Variants in IMPA2 observed in about 807,000 individuals in gnomAD.
IMPA2 encodes IMP 2.
IMPA2 carries 32 observed loss-of-function variants against 35.1 expected under a neutral mutation model. The ratio of observed to expected loss-of-function variants is 0.91; its 90% CI spans 0.69 to 1.23. IMPA2 has a LOEUF of 1.23. Among genes scored for constraint, IMPA2 ranks in the 50% most tolerant of loss-of-function variants. The probability of loss-of-function intolerance (pLI) is 0.00; values close to 1 mark genes in which losing one functional copy is unlikely to be tolerated. For synonymous variants in IMPA2, 135 were observed against 160.6 expected (o/e 0.84, Z 1.20); for missense variants, 334 against 387.6 (o/e 0.86, Z 1.16).
chr18:12,022,555 A>T (rs1296303771), intron 5 of IMPA2, among the ~76,000 whole-genome samples: 1 of 138,162 alleles, frequency 7.2e-6, no homozygotes, highest in Admixed American at 7.4e-5. Flanking sequence ...ATATATATAT[A>T]TTTGTGTGTG....
In IMPA2 at chr18:11,985,269, A is replaced by G. The variant is rs573053566; in HGVS notation, c.96+3504A>G. On this transcript the variant is annotated intron_variant, in intron 1 of 7. Coordinates refer to ENST00000269159, the MANE Select transcript of IMPA2 (RefSeq NM_014214.3). ...TTCTAAGGTGCTAAGAAATACTGCA[A>G]ATATCACGAAATACACAAAAATAAC... Among the ~76,000 whole-genome samples the G allele has an allele frequency of 4.6e-5, 7 of 152,304 alleles. No homozygotes were observed. In the South Asian group the frequency reaches 1.4e-3, roughly 32 times the overall value.
At chr18:11,982,458 C>T (rs1028011469) in intron 1 of IMPA2, among the ~76,000 whole-genome samples, 4 of 152,186 alleles carry the variant, frequency 2.6e-5, no homozygotes, top group African/African-American at 4.8e-5. Flanking sequence ...AGTGTTGGTT[C>T]TCCCAGGACT....
intron 5 of IMPA2, among the ~76,000 whole-genome samples, chr18:12,022,915 CA>C (rs1382484043): frequency 6.9e-6 from 1 of 144,190 alleles, no homozygotes; most frequent in East Asian, 2.1e-4. Context: ...GCTGGGATTA[CA>C]AATGTGTGCC....
At chr18:11,999,274 C>T (rs1907052482) in intron 2 of IMPA2, 87 bp downstream of exon 2, 1 of 1,354,510 alleles carries the variant, frequency 7.4e-7, no homozygotes, top group Non-Finnish European at 1.0e-6. Flanking sequence ...GGGGGCTCTG[C>T]TGTTTGTTGA....
chr18:11,987,967 A>T (rs1259785069), intron 1 of IMPA2, among the ~76,000 whole-genome samples: 3 of 147,806 alleles, frequency 2.0e-5, no homozygotes, highest in African/African-American at 7.5e-5. Flanking sequence ...CGTTTCTTAG[A>T]TAATTAATGA....
rs1907051377 is a variant in IMPA2 at position 11,999,247 on chromosome 18, A to G, written c.230+60A>G. Reference sequence around the variant, plus strand: ...CCCTGGCCACACTCATAGAGAATGCAGGGTCTGCCGGGGTCAGGGGGCTCT... The same window carrying G: ...CCCTGGCCACACTCATAGAGAATGCGGGGTCTGCCGGGGTCAGGGGGCTCT... On this transcript the variant is annotated intron_variant, in intron 2 of 7. Transcript: ENST00000269159. 2.0e-6 allele frequency: 3 copies of G among 1,538,256 alleles called. No individual in the cohort carries two copies. In the South Asian group the frequency reaches 3.6e-5, roughly 19 times the overall value.
intron 5 of IMPA2, among the ~76,000 whole-genome samples, chr18:12,022,528 A>AAATATATATATAT (rs68185380): frequency 0.063 from 6,067 of 96,622 alleles, 755 homozygotes; most frequent in Middle Eastern, 0.11. Flanking sequence ...TCTCAAAAAG[A>AAATATATATATAT]ATATATATAT....
chr18:11,984,044 C>T (rs1906583782), intron 1 of IMPA2, among the ~76,000 whole-genome samples: 1 of 152,174 alleles, frequency 6.6e-6, no homozygotes, highest in East Asian at 1.9e-4. Context: ...CTCAGCTGCC[C>T]CTGAGATGGA....
chr18:11,984,967 CAA>C (rs34748642), intron 1 of IMPA2, among the ~76,000 whole-genome samples: 7,748 of 87,640 alleles, frequency 0.088, 268 homozygotes, highest in Non-Finnish European at 0.13. Flanking sequence ...GACTCCGTCT[CAA>C]AAAAAAAAAA....
At position 11,991,467 on chromosome 18, in the gene IMPA2, C is replaced by T. The variant is rs1386759395; in HGVS notation, c.97-7587C>T. The stretch of plus-strand genomic sequence containing the variant: ...GCTGTGAACTGCTGACCACATGTGC[C>T]ACATGACACCATGTGATAGGCGTGT... On this transcript the variant is annotated intron_variant, in intron 1 of 7. Coordinates refer to ENST00000269159, the MANE Select transcript of IMPA2 (RefSeq NM_014214.3). This position sits in a 1 kb window ranked among gnomAD's most constrained non-coding sequence, Gnocchi z 4.1. 6.6e-6 allele frequency among the ~76,000 whole-genome samples: 1 copy of T among 152,128 alleles called. No individual in the cohort carries two copies. Among genetic ancestry groups the T allele is most frequent in the Non-Finnish European group, 1.5e-5 (1 of 68,028 alleles).
At chr18:11,987,365 C>G (rs1906696064) in intron 1 of IMPA2, among the ~76,000 whole-genome samples, 5 of 152,222 alleles carry the variant, frequency 3.3e-5, no homozygotes, top group Admixed American at 3.3e-4. Context: ...ACGTCTAGCT[C>G]TCTCGCTCAG....
chr18:12,007,670 T>TCTTTCTTTCTTTCTTTC (rs764225886), intron 2 of IMPA2, among the ~76,000 whole-genome samples: 67 of 97,978 alleles, frequency 6.8e-4, no homozygotes, highest in Middle Eastern at 8.8e-3. Flanking sequence ...TTTCTTTCTT[T>TCTTTCTTTCTTTCTTTC]CTTTCTTTCC....
chr18:11,992,912 T>A (rs1395785094), intron 1 of IMPA2, among the ~76,000 whole-genome samples: 1 of 152,222 alleles, frequency 6.6e-6, no homozygotes, highest in Admixed American at 6.5e-5. Flanking sequence ...CCTCACTTTT[T>A]CTCTTAGCAT....
chr18:12,011,989 T>C (rs1425349457), intron 3 of IMPA2, among the ~76,000 whole-genome samples, 181 bp from the exon 4 acceptor site: 1 of 152,282 alleles, frequency 6.6e-6, no homozygotes, highest in Admixed American at 6.5e-5. Context: ...TACGACATGG[T>C]CAGTTTATTC....
At chr18:12,024,492 A>G (rs765297977) in intron 5 of IMPA2, among the ~76,000 whole-genome samples, 19 of 152,116 alleles carry the variant, frequency 1.2e-4, no homozygotes, top group Admixed American at 2.0e-4. Flanking sequence ...TCAAAAAAAC[A>G]CAAAAGCATT....
chr18:12,019,886 A>G (rs776875987), intron 5 of IMPA2, among the ~76,000 whole-genome samples: 4 of 152,042 alleles, frequency 2.6e-5, no homozygotes, highest in Admixed American at 6.6e-5. Context: ...AAAAAAATAT[A>G]TATATTTTTG....
chr18:12,004,996 C>T (rs952940206), intron 2 of IMPA2, among the ~76,000 whole-genome samples: 2 of 152,198 alleles, frequency 1.3e-5, no homozygotes, highest in African/African-American at 4.8e-5. Flanking sequence ...TGAGTAAAAT[C>T]AGGTTTAAGT....
chr18:12,014,118 C>T (rs1005761500), intron 4 of IMPA2, 147 bp from the exon 5 acceptor site: 2 of 642,946 alleles, frequency 3.1e-6, no homozygotes, highest in Admixed American at 2.6e-5. Context: ...TGCTTTTTCT[C>T]AGTTCCTTTT....
At chr18:11,994,551 T>C (rs1176568029) in intron 1 of IMPA2, among the ~76,000 whole-genome samples, 4 of 152,226 alleles carry the variant, frequency 2.6e-5, no homozygotes, top group African/African-American at 9.6e-5. Context: ...CACACAGCTG[T>C]GTATGTTTTG....
Sources: gnomAD v4.1 joint callset for allele counts (sites outside exome capture counted in the v4.1 genomes callset) on GRCh38, gnomAD v4.1.1 for gene constraint, Gnocchi (gnomAD v3.1) non-coding constraint, MANE v1.5 for transcripts, NCBI Gene and HGNC (gene_info 2026-07-23, HGNC 2026-07-21) for gene names.